The following TAOK3 variants were observed in gnomAD, a reference collection of about 807,000 sequenced individuals.
TAOK3 encodes the protein TAO kinase 3.
TAOK3 carries 40 observed loss-of-function variants against 120.4 expected under a neutral mutation model. The ratio of observed to expected loss-of-function variants is 0.33; its 90% CI spans 0.26 to 0.43. The LOEUF (loss-of-function observed/expected upper bound fraction) is 0.43. Ranked by LOEUF, TAOK3 falls within the 20% of genes least tolerant of loss-of-function variation. The pLI is 1.00. For missense variants in TAOK3, 821 were observed against 1,112.1 expected (o/e 0.74, Z 3.72); for synonymous variants, 355 against 387.5 (o/e 0.92, Z 0.99).
chr12:118,331,909 C>G (rs2044168147), intron 1 of TAOK3, among the ~76,000 whole-genome samples: 1 of 151,732 alleles, frequency 6.6e-6, no homozygotes, highest in Non-Finnish European at 1.5e-5. Context: ...TCACTGCAAC[C>G]TCCGCCTCCT....
intron 11 of TAOK3, among the ~76,000 whole-genome samples, chr12:118,210,616 G>GA (rs1166721306): frequency 6.6e-6 from 1 of 151,868 alleles, no homozygotes; most frequent in Non-Finnish European, 1.5e-5. Flanking sequence ...TTACCTCCTC[G>GA]AACGGCCTTC....
At chr12:118,177,137 A>G (rs2036393363) in intron 16 of TAOK3, 64 bp downstream of exon 16, 2 of 1,504,446 alleles carry the variant, frequency 1.3e-6, no homozygotes, top group African/African-American at 1.4e-5. Flanking sequence ...ATGCAAGATG[A>G]GTGAATGTTA....
At chr12:118,203,382 C>A (rs548590398) in intron 11 of TAOK3, among the ~76,000 whole-genome samples, 1 of 152,046 alleles carries the variant, frequency 6.6e-6, no homozygotes, top group Admixed American at 6.6e-5. Flanking sequence ...CCTAGTTTCT[C>A]AGCCCATAGC....
chr12:118,225,393 T>TA (rs34791558), intron 9 of TAOK3, among the ~76,000 whole-genome samples: 9,648 of 141,970 alleles, frequency 0.068, 553 homozygotes, highest in African/African-American at 0.16. Context: ...GTCTTGCATG[T>TA]AAAAAAAAAA....
intron 14 of TAOK3, 26 bp downstream of exon 14, chr12:118,189,781 A>G: frequency 6.2e-7 from 1 of 1,613,488 alleles, no homozygotes; most frequent in Non-Finnish European, 8.5e-7. Context: ...AAGGAAGGGA[A>G]GGTGGGTAGA....
chr12:118,331,876 G>A (rs1458724166), intron 1 of TAOK3, among the ~76,000 whole-genome samples: 1 of 146,104 alleles, frequency 6.8e-6, no homozygotes, highest in African/African-American at 2.5e-5. Context: ...ACCCAGGCTC[G>A]AGTGCAATGG....
Position 118,213,997 on chromosome 12 carries a change from A to C in TAOK3, c.737+20T>G, listed in dbSNP as rs1295432439. 1.9e-6 allele frequency: 3 copies of C among 1,587,602 alleles called. No homozygotes were observed. The highest frequency in any genetic ancestry group is 2.6e-6 in the Non-Finnish European group (3 of 1,157,608). On this transcript the variant is annotated intron_variant, in intron 10 of 20. Transcript: ENST00000392533. ...ATACGGTGATTTTCTTAGAGATTTA[A>C]AATGATAGCAGAGTCTTACCATTCA... is the stretch of plus-strand genomic sequence containing the variant.
chr12:118,196,834 G>A (rs566889933), intron 13 of TAOK3, among the ~76,000 whole-genome samples: 2 of 152,046 alleles, frequency 1.3e-5, no homozygotes, highest in South Asian at 2.1e-4. Context: ...TATTTACTGA[G>A]CATCTATGCT....
At chr12:118,364,247 G>C (rs762044071) in intron 1 of TAOK3, among the ~76,000 whole-genome samples, 3 of 152,126 alleles carry the variant, frequency 2.0e-5, no homozygotes, top group Non-Finnish European at 4.4e-5. Flanking sequence ...AATCAGAGCC[G>C]TACTTTAGGG....
intron 9 of TAOK3, among the ~76,000 whole-genome samples, chr12:118,223,700 G>GT (rs1250411545): frequency 6.7e-6 from 1 of 148,672 alleles, no homozygotes; most frequent in Non-Finnish European, 1.5e-5. Flanking sequence ...CTGGAGTGCA[G>GT]TGGTACAATC....
chr12:118,242,127 G>A (rs1229823744), intron 5 of TAOK3, among the ~76,000 whole-genome samples: 4 of 151,628 alleles, frequency 2.6e-5, no homozygotes, highest in African/African-American at 9.7e-5. Flanking sequence ...TCAAGTAACA[G>A]TGTGAAGGAT....
At chr12:118,367,037 G>C (rs537436043) in intron 1 of TAOK3, among the ~76,000 whole-genome samples, 1 of 152,180 alleles carries the variant, frequency 6.6e-6, no homozygotes, top group Non-Finnish European at 1.5e-5. Flanking sequence ...TAGCCTGGGC[G>C]ACAGAGTAAG....
chr12:118,364,590 C>A (rs766623352), intron 1 of TAOK3, among the ~76,000 whole-genome samples: 1 of 152,168 alleles, frequency 6.6e-6, no homozygotes, highest in Non-Finnish European at 1.5e-5. Flanking sequence ...AGAACACACA[C>A]ACAATATGAA....
intron 1 of TAOK3, among the ~76,000 whole-genome samples, chr12:118,314,774 C>T (rs994723960): frequency 1.7e-4 from 26 of 152,086 alleles, no homozygotes; most frequent in Non-Finnish European, 4.4e-5. Flanking sequence ...CAATGCTTAT[C>T]AATTATTATC....
intron 9 of TAOK3, among the ~76,000 whole-genome samples, chr12:118,231,931 A>C (rs2039802799): frequency 6.6e-6 from 1 of 151,980 alleles, no homozygotes; most frequent in African/African-American, 2.4e-5. Context: ...TCAAAAAAAA[A>C]AAGAAAAAAA....
At chr12:118,357,249 A>G (rs1406754744) in intron 1 of TAOK3, among the ~76,000 whole-genome samples, 2 of 152,236 alleles carry the variant, frequency 1.3e-5, no homozygotes, top group African/African-American at 2.4e-5. Context: ...AAACTTTTTC[A>G]TAAGACATGA....
At chr12:118,358,841 T>A (rs939313326) in intron 1 of TAOK3, 1 of 151,824 alleles carries the variant, frequency 6.6e-6, no homozygotes, top group African/African-American at 2.4e-5. Context: ...AGTTTACTCA[T>A]TTTTTTTAAC....
At chr12:118,244,527 C>CTTTTTTTTTTTTTTTTTTTTTT (rs377072006) in intron 4 of TAOK3, among the ~76,000 whole-genome samples, 1 of 129,558 alleles carries the variant, frequency 7.7e-6, no homozygotes, top group Non-Finnish European at 1.6e-5. Context: ...TTTCTTTTTT[C>CTTTTTTTTTTTTTTTTTTTTTT]TTTTTCTTTT....
intron 1 of TAOK3, among the ~76,000 whole-genome samples, chr12:118,363,038 A>G (rs975687187): frequency 5.5e-4 from 83 of 150,730 alleles, no homozygotes; most frequent in Non-Finnish European, 9.2e-4. Flanking sequence ...AAAAAAAAAA[A>G]AAAAAAGAAA....
Sources: gnomAD v4.1 joint callset for allele counts (sites outside exome capture counted in the v4.1 genomes callset) on GRCh38, gnomAD v4.1.1 for gene constraint, MANE v1.5 for transcripts, NCBI Gene and HGNC (gene_info 2026-07-23, HGNC 2026-07-21) for gene names.